Variants in NDST4 observed in about 807,000 individuals in gnomAD.
NDST4 encodes the protein N-heparan sulfate sulfotransferase 4.
Under a neutral mutation model 100.8 loss-of-function variants are expected in NDST4, and 63 were observed. That is an observed-to-expected ratio of 0.62 (90% CI 0.51 to 0.77). The LOEUF is 0.77. Among genes scored for constraint, NDST4 ranks in the 30% least tolerant of loss-of-function variants. The pLI, the probability that NDST4 is intolerant of heterozygous loss-of-function variation, is 0.00. For missense variants in NDST4, 943 were observed against 1,018.4 expected (o/e 0.93, Z 1.01); for synonymous variants, 377 against 361.8 (o/e 1.04, Z -0.48).
chr4:115,076,007 C>T lies in NDST4; in HGVS notation c.978+52G>A, dbSNP rs144956814. The T allele has an allele frequency of 4.7e-3, 7,224 of 1,524,036 alleles. 40 individuals are homozygous for T. Among genetic ancestry groups the T allele is most frequent in the African/African-American group, 0.016 (1,148 of 71,796 alleles). 94.4% of individuals were successfully genotyped at this position (1,524,036 alleles called of 1,614,324 possible). A position where few individuals can be genotyped will look rare whatever the true frequency, so the allele number is the denominator to read the frequency against. ...ATCTATCATATTAGTAATATTTTAT[C>T]GGTACCATATTGTGAAATACAAATT... On this transcript the variant is annotated intron_variant, in intron 2 of 13. Transcript: ENST00000264363.
intron 10 of NDST4, among the ~76,000 whole-genome samples, chr4:114,842,322 C>T (rs1348595195): frequency 6.6e-6 from 1 of 151,806 alleles, no homozygotes; most frequent in Non-Finnish European, 1.5e-5. Flanking sequence ...AAGGAGAGAC[C>T]ATCACAGTCA....
At chr4:114,933,586 A>G (rs956319648) in intron 6 of NDST4, among the ~76,000 whole-genome samples, 1 of 151,936 alleles carries the variant, frequency 6.6e-6, no homozygotes, top group African/African-American at 2.4e-5. Context: ...AATGAGAGAA[A>G]ATATTTAAAA....
intron 1 of NDST4, among the ~76,000 whole-genome samples, chr4:115,102,704 C>CTATTT (rs1729755676): frequency 1.1e-5 from 1 of 90,578 alleles, no homozygotes; most frequent in Non-Finnish European, 1.9e-5. Context: ...TTCTGACTTC[C>CTATTT]TTTTTTTTTT....
At chr4:114,969,412 T>A (rs1726459244) in intron 4 of NDST4, among the ~76,000 whole-genome samples, 1 of 151,964 alleles carries the variant, frequency 6.6e-6, no homozygotes. Context: ...GTGTACAGAT[T>A]ATTTTGTCAC....
chr4:115,055,869 T>C (rs1385693092), intron 2 of NDST4, among the ~76,000 whole-genome samples: 1 of 152,126 alleles, frequency 6.6e-6, no homozygotes, highest in Non-Finnish European at 1.5e-5. Context: ...TAATCCCATA[T>C]TCATTGTTCA....
At chr4:115,046,647 T>C (rs1578480146) in intron 2 of NDST4, among the ~76,000 whole-genome samples, 2 of 152,024 alleles carry the variant, frequency 1.3e-5, no homozygotes, top group East Asian at 1.9e-4. Context: ...ATCAGATAGA[T>C]GATAAGATAG....
chr4:114,836,762 G>A (rs1350752510), intron 11 of NDST4, among the ~76,000 whole-genome samples: 1 of 152,200 alleles, frequency 6.6e-6, no homozygotes, highest in East Asian at 1.9e-4. Context: ...CCAATCAATT[G>A]TAGCTTTGGT....
At chr4:115,006,045 A>G (rs1727408869) in intron 2 of NDST4, among the ~76,000 whole-genome samples, 1 of 151,066 alleles carries the variant, frequency 6.6e-6, no homozygotes, top group South Asian at 2.1e-4. Context: ...AAAAAAAAAA[A>G]AAAAGAAGAA....
intron 2 of NDST4, among the ~76,000 whole-genome samples, chr4:115,024,669 C>A (rs543371954): frequency 6.6e-6 from 1 of 152,110 alleles, no homozygotes; most frequent in Non-Finnish European, 1.5e-5. Flanking sequence ...GACTCTACTT[C>A]TAAATTTTAA....
intron 7 of NDST4, among the ~76,000 whole-genome samples, chr4:114,861,636 T>C (rs1196942977): frequency 1.3e-5 from 2 of 152,138 alleles, no homozygotes; most frequent in Non-Finnish European, 2.9e-5. Context: ...ACTAGACTTC[T>C]GGCATCTGTG....
intron 6 of NDST4, among the ~76,000 whole-genome samples, chr4:114,907,261 C>T (rs1480341719): frequency 2.0e-5 from 3 of 152,088 alleles, no homozygotes; most frequent in Admixed American, 6.5e-5. Flanking sequence ...ACATCTGGCC[C>T]AGAATAAGGG....
chr4:114,919,360 T>C (rs1013678173), intron 6 of NDST4, among the ~76,000 whole-genome samples: 1 of 151,990 alleles, frequency 6.6e-6, no homozygotes, highest in Admixed American at 6.6e-5. Context: ...ATAAGACAAG[T>C]TAGTGATAGA....
chr4:115,102,926 T>G (rs984174735), intron 1 of NDST4, among the ~76,000 whole-genome samples: 4 of 151,998 alleles, frequency 2.6e-5, no homozygotes, highest in Admixed American at 6.6e-5. Flanking sequence ...CAGGCTGGTC[T>G]GGAACTCTTG....
intron 6 of NDST4, among the ~76,000 whole-genome samples, chr4:114,923,340 A>C (rs916035787): frequency 1.8e-4 from 27 of 152,226 alleles, no homozygotes; most frequent in African/African-American, 6.3e-4. Context: ...AAGTGAAATA[A>C]GGTAAAATGA....
chr4:115,104,845 A>G (rs148682117), intron 1 of NDST4, among the ~76,000 whole-genome samples: 151 of 152,250 alleles, frequency 9.9e-4, no homozygotes, highest in African/African-American at 3.5e-3. Context: ...GATACTTTAA[A>G]TCAGTACAAA....
At chr4:114,936,418 G>A (rs1725629720) in intron 5 of NDST4, among the ~76,000 whole-genome samples, 1 of 152,030 alleles carries the variant, frequency 6.6e-6, no homozygotes, top group Non-Finnish European at 1.5e-5. Flanking sequence ...ACTCACAGAT[G>A]GCGATTAGAT....
intron 7 of NDST4, among the ~76,000 whole-genome samples, chr4:114,854,472 C>G (rs28769381): frequency 0.021 from 3,120 of 152,010 alleles, 106 homozygotes; most frequent in African/African-American, 0.07. Context: ...TACTGATTTC[C>G]TTTCTTTTTT....
intron 1 of NDST4, among the ~76,000 whole-genome samples, chr4:115,102,050 G>A (rs191936677): frequency 1.9e-3 from 283 of 152,212 alleles, no homozygotes; most frequent in African/African-American, 6.5e-3. Flanking sequence ...TTACAATGGA[G>A]TATTTATTTT....
chr4:114,862,800 A>G (rs763041180), intron 7 of NDST4, among the ~76,000 whole-genome samples: 3 of 152,092 alleles, frequency 2.0e-5, no homozygotes, highest in Admixed American at 6.6e-5. Context: ...GTTAATATTT[A>G]TTTATACTTT....
Sources: gnomAD v4.1 joint callset for allele counts (sites outside exome capture counted in the v4.1 genomes callset) on GRCh38, gnomAD v4.1.1 for gene constraint, MANE v1.5 for transcripts, NCBI Gene and HGNC (gene_info 2026-07-23, HGNC 2026-07-21) for gene names.